The following DLG1 variants were observed in gnomAD, a reference collection of about 807,000 sequenced individuals.
DLG1 encodes the protein disks large homolog 1.
DLG1 carries 42 observed loss-of-function variants against 123.4 expected under a neutral mutation model. The ratio of observed to expected loss-of-function variants is 0.34; its 90% CI spans 0.27 to 0.44. DLG1 has a LOEUF of 0.44. Among genes scored for constraint, DLG1 ranks in the 20% least tolerant of loss-of-function variants. The pLI, the probability that DLG1 is intolerant of heterozygous loss-of-function variation, is 1.00. For synonymous variants in DLG1, 317 were observed against 356.2 expected (o/e 0.89, Z 1.24); for missense variants, 942 against 1,082.6 (o/e 0.87, Z 1.82).
intron 4 of DLG1, among the ~76,000 whole-genome samples, chr3:197,262,871 T>C (rs1354143611): frequency 3.9e-5 from 6 of 152,148 alleles, no homozygotes; most frequent in African/African-American, 7.2e-5. Context: ...TAAATACATA[T>C]GTATGTAGCT....
intron 18 of DLG1, chr3:197,075,841 G>T: frequency 6.2e-7 from 1 of 1,611,936 alleles, no homozygotes; most frequent in Non-Finnish European, 8.5e-7. Flanking sequence ...ACTTACTCAG[G>T]CCTTTTGATC....
At position 197,084,314 on chromosome 3, in the gene DLG1, TTG is replaced by T. The variant is rs1376887278; in HGVS notation, c.1838+1264_1838+1265del. ...TTCTGCTTGGAGGCATCACTTTTTG[TTG>T]TTTTTTTTTTTTTGAGTCAGAGTCT... On this transcript the variant is annotated intron_variant, in intron 16 of 24. Transcript: ENST00000667157. 5.0e-4 allele frequency among the ~76,000 whole-genome samples: 61 copies of T among 121,428 alleles called. 1 individual carries two copies. The highest frequency in any genetic ancestry group is 1.8e-4 in the Non-Finnish European group (10 of 54,602). 79.7% of individuals were successfully genotyped at this position (121,428 alleles called of 152,430 possible).
chr3:197,220,915 A>T (rs1736644600), intron 4 of DLG1, among the ~76,000 whole-genome samples: 1 of 152,278 alleles, frequency 6.6e-6, no homozygotes, highest in African/African-American at 2.4e-5. Context: ...TTTTAATATC[A>T]AAAGGCATTT....
chr3:197,068,171 C>T (rs1354026447), intron 19 of DLG1, among the ~76,000 whole-genome samples: 4 of 152,112 alleles, frequency 2.6e-5, no homozygotes, highest in Non-Finnish European at 4.4e-5. Context: ...ATTTTATAAG[C>T]TGTTTTTTAA....
intron 5 of DLG1, among the ~76,000 whole-genome samples, chr3:197,174,061 C>T (rs943617222): frequency 1.3e-5 from 2 of 152,034 alleles, no homozygotes; most frequent in African/African-American, 4.8e-5. Flanking sequence ...CCAGCCTGGG[C>T]GACACAGTGA....
At chr3:197,278,763 T>G (rs1461863568) in intron 4 of DLG1, among the ~76,000 whole-genome samples, 1 of 150,078 alleles carries the variant, frequency 6.7e-6, no homozygotes, top group African/African-American at 2.4e-5. Flanking sequence ...CAAAACTGGA[T>G]AGCTGCTTTA....
chr3:197,072,770 G>A (rs1190290106), intron 18 of DLG1, among the ~76,000 whole-genome samples: 1 of 151,540 alleles, frequency 6.6e-6, no homozygotes, highest in Non-Finnish European at 1.5e-5. Context: ...TCGGCTTACT[G>A]CAACCTTCAC....
chr3:197,248,114 C>T (rs541051895), intron 4 of DLG1, among the ~76,000 whole-genome samples: 1 of 152,210 alleles, frequency 6.6e-6, no homozygotes, highest in Non-Finnish European at 1.5e-5. Flanking sequence ...GCACTTTCAA[C>T]CTCCAAGATA....
intron 4 of DLG1, among the ~76,000 whole-genome samples, chr3:197,197,278 T>G (rs1398136219): frequency 6.6e-6 from 1 of 152,228 alleles, no homozygotes; most frequent in African/African-American, 2.4e-5. Context: ...GGTGTGTTAT[T>G]TTATCAGAAA....
intron 13 of DLG1, among the ~76,000 whole-genome samples, chr3:197,113,195 A>C (rs1198142116): frequency 6.6e-6 from 1 of 152,158 alleles, no homozygotes; most frequent in Non-Finnish European, 1.5e-5. Flanking sequence ...CTATTTAAGA[A>C]ATTTGTCTAA....
chr3:197,245,443 T>C (rs1228774379), intron 4 of DLG1, among the ~76,000 whole-genome samples: 1 of 152,214 alleles, frequency 6.6e-6, no homozygotes, highest in Non-Finnish European at 1.5e-5. Context: ...GCCTTAATCT[T>C]GGGTTTCTTC....
At chr3:197,049,687 G>T (rs1461492130) in intron 24 of DLG1, among the ~76,000 whole-genome samples, 5 of 152,120 alleles carry the variant, frequency 3.3e-5, no homozygotes, top group East Asian at 3.9e-4. Flanking sequence ...GGGAGGTTGT[G>T]GTGAGCTGAG....
chr3:197,064,060 C>T (rs1213316889), intron 22 of DLG1, among the ~76,000 whole-genome samples: 2 of 151,094 alleles, frequency 1.3e-5, no homozygotes, highest in East Asian at 1.9e-4. Flanking sequence ...GCCAGGATTA[C>T]AGGCATGCAC....
At chr3:197,154,332 A>C (rs1196980420) in intron 5 of DLG1, among the ~76,000 whole-genome samples, 1 of 151,678 alleles carries the variant, frequency 6.6e-6, no homozygotes, top group Non-Finnish European at 1.5e-5. Context: ...AAAACCAAAA[A>C]AACCCACAAA....
Position 197,106,700 on chromosome 3 carries a change from G to T in DLG1, c.1444-1695C>A, listed in dbSNP as rs555279746. On this transcript the variant is annotated intron_variant, in intron 13 of 24. Transcript: ENST00000667157. ...CCAAACTCTTTTAAGAGCATAATTT[G>T]TTGAACAAAACTACATATTAAAGAC... 2.6e-5 allele frequency among the ~76,000 whole-genome samples: 4 copies of T among 152,220 alleles called. No homozygotes were observed. The East Asian group carries it at 7.7e-4, about 29-fold the overall frequency.
chr3:197,069,475 A>C (rs1019806301), intron 18 of DLG1: 3 of 374,336 alleles, frequency 8.0e-6, no homozygotes, highest in Non-Finnish European at 1.4e-5. Context: ...TTTTTGTACA[A>C]CACAGTTTAT....
At chr3:197,097,564 T>C (rs920599179) in intron 14 of DLG1, among the ~76,000 whole-genome samples, 1 of 151,096 alleles carries the variant, frequency 6.6e-6, no homozygotes, top group African/African-American at 2.4e-5. Context: ...AAATCTACTA[T>C]CTTTTTTTGT....
intron 4 of DLG1, among the ~76,000 whole-genome samples, chr3:197,272,938 T>G (rs532321448): frequency 2.0e-5 from 3 of 152,264 alleles, no homozygotes; most frequent in East Asian, 3.9e-4. Context: ...TCACCAAATT[T>G]TAAAGTGTAC....
intron 4 of DLG1, among the ~76,000 whole-genome samples, chr3:197,273,129 TC>T (rs1764622976): frequency 6.6e-6 from 1 of 152,078 alleles, no homozygotes. Flanking sequence ...ATACAGTATT[TC>T]AGTAAATTTT....
Sources: allele counts gnomAD v4.1 joint callset (sites outside exome capture counted in the v4.1 genomes callset), GRCh38; gene constraint gnomAD v4.1.1; transcripts MANE v1.5; gene names NCBI Gene and HGNC (gene_info 2026-07-23, HGNC 2026-07-21).